LSG1: variants seen among roughly 807,000 people sequenced by gnomAD.
The protein encoded by LSG1 is large subunit GTPase 1 homolog.
A neutral mutation model predicts 82.6 loss-of-function variants in LSG1; 55 were observed. That is an observed-to-expected ratio of 0.67 (90% CI 0.54 to 0.83). The LOEUF is 0.83. Ranked by LOEUF, LSG1 falls within the 40% of genes least tolerant of loss-of-function variation. The pLI, the probability that LSG1 is intolerant of heterozygous loss-of-function variation, is 0.00. For synonymous variants in LSG1, 272 were observed against 282.5 expected (o/e 0.96, Z 0.37); for missense variants, 809 against 807.9 (o/e 1.00, Z -0.02).
intron 2 of LSG1, among the ~76,000 whole-genome samples, chr3:194,669,650 C>T (rs1274593850): frequency 1.3e-5 from 2 of 152,192 alleles, no homozygotes; most frequent in Non-Finnish European, 2.9e-5. Flanking sequence ...GTTCAAGACT[C>T]AGGGCGGGCA....
At position 194,641,294 on chromosome 3, in the gene LSG1, T is replaced by A. The variant is rs1178973424; in HGVS notation, c.*774A>T. The A allele has an allele frequency of 6.6e-6, 1 of 152,252 alleles. No homozygotes were observed. The highest frequency in any genetic ancestry group is 1.5e-5 in the Non-Finnish European group (1 of 68,046). The allele number at this position is 152,252 out of a possible 1,614,324, so 9.4% of individuals were successfully genotyped here. ...GTCAATTTTAGGACATTTTTATCACTGCAAAAGAAAGACCTCAATCTTCCC... is the reference window on the plus strand; with the variant it reads ...GTCAATTTTAGGACATTTTTATCACAGCAAAAGAAAGACCTCAATCTTCCC... On this transcript the variant is annotated 3_prime_UTR_variant, in exon 14 of 14. Coordinates refer to ENST00000265245, the MANE Select transcript of LSG1 (RefSeq NM_018385.3).
At position 194,641,955 on chromosome 3, in the gene LSG1, G is replaced by A; in HGVS notation, c.*113C>T. 8.5e-7 allele frequency: 1 copy of A among 1,172,800 alleles called. No individual in the cohort carries two copies. Among genetic ancestry groups the A allele is most frequent in the Non-Finnish European group, 1.2e-6 (1 of 825,678 alleles). 72.6% of individuals were successfully genotyped at this position (1,172,800 alleles called of 1,614,324 possible). ...TGTTGGGTGCAGCCGTGCTCTGCAA[G>A]AGCAGGGCCCGTTCTACAGTGCTAG... On this transcript the variant is annotated 3_prime_UTR_variant, in exon 14 of 14. Transcript: ENST00000265245.
At chr3:194,668,114 C>G (rs1719070755) in intron 2 of LSG1, among the ~76,000 whole-genome samples, 1 of 151,734 alleles carries the variant, frequency 6.6e-6, no homozygotes, top group African/African-American at 2.4e-5. Flanking sequence ...GAAAGCTTTA[C>G]CCATTAGCAG....
At chr3:194,656,022 A>G (rs1328094989) in intron 7 of LSG1, among the ~76,000 whole-genome samples, 2 of 152,236 alleles carry the variant, frequency 1.3e-5, no homozygotes, top group East Asian at 3.8e-4. Flanking sequence ...AAAGACTTAC[A>G]TGTTAGACCT....
intron 13 of LSG1, among the ~76,000 whole-genome samples, chr3:194,644,252 C>T (rs928190794): frequency 4.6e-5 from 7 of 151,508 alleles, no homozygotes; most frequent in Admixed American, 2.0e-4. Context: ...GTCCCAGCTA[C>T]TCGGGAGGCT....
At chr3:194,666,150 A>G (rs1337172943) in intron 4 of LSG1, 53 bp downstream of exon 4, 29 of 1,467,900 alleles carry the variant, frequency 2.0e-5, no homozygotes, top group Non-Finnish European at 2.6e-5. Flanking sequence ...AGCATGCCAA[A>G]TATCTGAACT....
At chr3:194,643,987 G>T (rs1350673016) in intron 13 of LSG1, among the ~76,000 whole-genome samples, 1 of 152,106 alleles carries the variant, frequency 6.6e-6, no homozygotes, top group Non-Finnish European at 1.5e-5. Context: ...GAAGTCTCCA[G>T]AACAGGCAAA....
chr3:194,667,341 G>A (rs529160707), intron 2 of LSG1, among the ~76,000 whole-genome samples: 9 of 152,104 alleles, frequency 5.9e-5, no homozygotes, highest in Admixed American at 1.3e-4. Flanking sequence ...ATGAGCCACC[G>A]CACCCAGCCT....
rs557597258 is a variant in LSG1 at position 194,661,942 on chromosome 3, G to A, written c.522-1809C>T. ...TATTAGGGACATAAACAGTGTAAGAGGGGCTTCCTGTTAAACTGAACACAG... is the reference window on the plus strand; with the variant it reads ...TATTAGGGACATAAACAGTGTAAGAAGGGCTTCCTGTTAAACTGAACACAG... On this transcript the variant is annotated intron_variant, in intron 5 of 13. Coordinates refer to ENST00000265245, the MANE Select transcript of LSG1 (RefSeq NM_018385.3). 3.3e-5 allele frequency among the ~76,000 whole-genome samples: 5 copies of A among 152,238 alleles called. No homozygotes were observed. In the South Asian group the frequency reaches 1.0e-3, roughly 32 times the overall value.
Position 194,645,555 on chromosome 3 carries a change from C to CAG in LSG1, c.1623+608_1623+609insCT, listed in dbSNP as rs1560219761. ...AGACAGACACACACACACACACACA[C>CAG]ACACACACACACACAGACAGACACA... On this transcript the variant is annotated intron_variant, in intron 12 of 13. Transcript: ENST00000265245. 3.8e-4 allele frequency among the ~76,000 whole-genome samples: 17 copies of CAG among 44,538 alleles called. 1 individual carries two copies. The highest frequency in any genetic ancestry group is 1.2e-3 in the South Asian group (1 of 864). The allele number at this position is 44,538 out of a possible 152,430, so 29.2% of individuals were successfully genotyped here.
At chr3:194,647,310 A>G (rs1291175269) in intron 11 of LSG1, among the ~76,000 whole-genome samples, 2 of 152,224 alleles carry the variant, frequency 1.3e-5, no homozygotes, top group African/African-American at 4.8e-5. Context: ...CCATAAATTA[A>G]CATTGGAAAA....
intron 2 of LSG1, among the ~76,000 whole-genome samples, chr3:194,667,942 A>AAAAAAAAAAAAAAAAAAAAAAAAAAAAT (rs1416407494): frequency 2.3e-5 from 2 of 86,960 alleles, no homozygotes; most frequent in African/African-American, 4.8e-5. Context: ...AAAAAAAAAA[A>AAAAAAAAAAAAAAAAAAAAAAAAAAAAT]ATATATATAT....
chr3:194,657,954 A>G (rs1004825231), intron 7 of LSG1, among the ~76,000 whole-genome samples: 1 of 152,156 alleles, frequency 6.6e-6, no homozygotes, highest in Non-Finnish European at 1.5e-5. Flanking sequence ...TCCTTCACAT[A>G]GTTAGAGGTG....
At chr3:194,666,321 C>T in intron 3 of LSG1, 32 bp from the exon 4 acceptor site, 7 of 1,608,830 alleles carry the variant, frequency 4.4e-6, no homozygotes, top group Non-Finnish European at 6.0e-6. Flanking sequence ...AAAAATTCCT[C>T]ATATAAGTAA....
In LSG1 at chr3:194,653,093, T is replaced by G. The variant is rs924294133; in HGVS notation, c.809A>C (p.His270Pro). The G allele has an allele frequency of 6.2e-7, 1 of 1,614,112 alleles. No homozygotes were observed. The highest frequency in any genetic ancestry group is 1.7e-5 in the Admixed American group (1 of 60,002). ...DRQSNTTKFG[H>P]SSFDQAEISH... ...AATTTCAGCCTGGTCGAAACTGGAA[T>G]GTCCAAACTTGGTTGTGTTGCTTTG... Residue 270 changes from histidine (H) to proline (P), a missense_variant, in exon 8 of 14, where the codon CAT becomes CCT. By Grantham distance (77) the His-to-Pro change is moderately conservative. Transcript: ENST00000265245.
chr3:194,660,351 C>G (rs1414209847), intron 5 of LSG1, among the ~76,000 whole-genome samples: 3 of 152,172 alleles, frequency 2.0e-5, no homozygotes, highest in African/African-American at 7.2e-5. Context: ...AGTAACACAG[C>G]CAGAATGGGA....
At position 194,652,710 on chromosome 3, in the gene LSG1, A is replaced by G; in HGVS notation, c.1173+19T>C. 6.2e-7 allele frequency: 1 copy of G among 1,600,806 alleles called. No homozygotes were observed. The highest frequency in any genetic ancestry group is 1.3e-5 in the African/African-American group (1 of 74,674). On this transcript the variant is annotated intron_variant, in intron 8 of 13. Coordinates refer to ENST00000265245, the MANE Select transcript of LSG1 (RefSeq NM_018385.3). ...AAGACAATCACGTGGTAACAATGTT[A>G]TGACATATGTCATCTTACCAGTCCG...
chr3:194,660,088 A>C lies in LSG1; in HGVS notation c.567T>G (p.Phe189Leu). Residue 189 changes from phenylalanine to leucine, a missense_variant, in exon 6 of 14, where the codon TTT (phenylalanine) becomes TTG (leucine). Transcript: ENST00000265245. ...QIVDARNPLLFRCEDLECYVK... is the reference protein window; with the variant it reads ...QIVDARNPLLLRCEDLECYVK... Reference sequence around the variant, plus strand: ...CTTGACTTACCAAATCCTCACATCTAAACAGGAGTGGGTTTCGAGCATCTA... The same window carrying C: ...CTTGACTTACCAAATCCTCACATCTCAACAGGAGTGGGTTTCGAGCATCTA... The C allele has an allele frequency of 6.2e-7, 1 of 1,614,028 alleles. No homozygotes were observed. Among genetic ancestry groups the C allele is most frequent in the African/African-American group, 1.3e-5 (1 of 75,048 alleles).
At chr3:194,645,543 C>CACACACACACACACAGACAG (rs1718518120) in intron 12 of LSG1, 1 of 45,314 alleles carries the variant, frequency 2.2e-5, no homozygotes, top group Non-Finnish European at 4.5e-5. Flanking sequence ...CAGACACACA[C>CACACACACACACACAGACAG]ACACACACAC....
Sources: gnomAD v4.1 joint callset for allele counts (sites outside exome capture counted in the v4.1 genomes callset) on GRCh38, gnomAD v4.1.1 for gene constraint, MANE v1.5 for transcripts, NCBI Gene and HGNC (gene_info 2026-07-23, HGNC 2026-07-21) for gene names.